KCNMA1: variants seen among roughly 807,000 people sequenced by gnomAD.
The protein encoded by KCNMA1 is Calcium-activated potassium channel subunit alpha-1.
Under a neutral mutation model 140.0 loss-of-function variants are expected in KCNMA1, and 29 were observed. The observed-to-expected ratio is 0.21, with a 90% CI of 0.15 to 0.28. The LOEUF is 0.28. KCNMA1 is among the 10% of genes least tolerant of loss of function. The pLI is 1.00. For missense variants in KCNMA1, 880 were observed against 1,602.2 expected, an observed-to-expected ratio of 0.55 and a Z score of 7.70; for synonymous variants, 612 against 611.9, an observed-to-expected ratio of 1.00 and a Z score of 0.00.
chr10:77,440,445 G>C (rs1481177812), intron 1 of KCNMA1, among the ~76,000 whole-genome samples: 1 of 152,196 alleles, frequency 6.6e-6, no homozygotes, highest in Non-Finnish European at 1.5e-5. Flanking sequence ...CTGCACAGGT[G>C]ACCACCACAA....
chr10:77,455,733 G>A (rs1416100343), intron 1 of KCNMA1, among the ~76,000 whole-genome samples: 1 of 152,150 alleles, frequency 6.6e-6, no homozygotes, highest in Non-Finnish European at 1.5e-5. Flanking sequence ...GCCCAGACCT[G>A]AGAAATGACC....
At chr10:77,217,980 T>A (rs2048344717) in intron 3 of KCNMA1, among the ~76,000 whole-genome samples, 1 of 152,176 alleles carries the variant, frequency 6.6e-6, no homozygotes, top group African/African-American at 2.4e-5. Flanking sequence ...GCCATTTCCA[T>A]AATACTTTAA....
At chr10:77,413,925 T>C (rs189852942) in intron 1 of KCNMA1, among the ~76,000 whole-genome samples, 1 of 152,262 alleles carries the variant, frequency 6.6e-6, no homozygotes, top group Non-Finnish European at 1.5e-5. Flanking sequence ...CCCTGTGAGT[T>C]TACTGGGTGT....
intron 2 of KCNMA1, among the ~76,000 whole-genome samples, chr10:77,312,076 C>T (rs945530583): frequency 1.4e-4 from 22 of 152,186 alleles, no homozygotes; most frequent in African/African-American, 3.9e-4. Flanking sequence ...ACTGCGCAAG[C>T]GAAGGAACTC....
chr10:77,462,091 C>T (rs567619507), intron 1 of KCNMA1, among the ~76,000 whole-genome samples: 7 of 151,784 alleles, frequency 4.6e-5, no homozygotes, highest in South Asian at 2.1e-4. Flanking sequence ...CACACGGACA[C>T]GGACACACAC....
At chr10:77,604,640 T>C (rs529953743) in intron 1 of KCNMA1, among the ~76,000 whole-genome samples, 242 of 152,096 alleles carry the variant, frequency 1.6e-3, no homozygotes, top group African/African-American at 4.9e-3. Context: ...TGAGCTATGA[T>C]TGCACCACTG....
intron 2 of KCNMA1, among the ~76,000 whole-genome samples, chr10:77,292,462 C>T (rs1289375919): frequency 6.6e-6 from 1 of 152,206 alleles, no homozygotes; most frequent in African/African-American, 2.4e-5. Context: ...GCGGCCCCCA[C>T]TATGTTTTCT....
intron 20 of KCNMA1, among the ~76,000 whole-genome samples, chr10:76,965,916 CA>C (rs2073747913): frequency 1.3e-5 from 2 of 152,168 alleles, no homozygotes; most frequent in Admixed American, 1.3e-4. Context: ...CTCAGCCTCC[CA>C]AACCAGAGGT....
chr10:77,335,131 TC>T (rs1426246219), intron 2 of KCNMA1, among the ~76,000 whole-genome samples: 1 of 152,158 alleles, frequency 6.6e-6, no homozygotes, highest in African/African-American at 2.4e-5. Context: ...TCCCTCCTTT[TC>T]CTGCTCTTTC....
At chr10:77,514,478 A>G (rs2049592796) in intron 1 of KCNMA1, among the ~76,000 whole-genome samples, 1 of 152,116 alleles carries the variant, frequency 6.6e-6, no homozygotes, top group Non-Finnish European at 1.5e-5. Context: ...AACAGCACAC[A>G]ACTCCACGCC....
At chr10:77,101,192 T>G (rs541837269) in intron 9 of KCNMA1, among the ~76,000 whole-genome samples, 70 of 152,140 alleles carry the variant, frequency 4.6e-4, no homozygotes, top group African/African-American at 1.7e-3. Flanking sequence ...ACCCCTCTCA[T>G]CAGGAAGGGA....
rs568626462 is a variant in KCNMA1, at chr10:77,576,993, T to G, written c.378+60272A>C. 2.7e-4 allele frequency among the ~76,000 whole-genome samples: 41 copies of G among 152,254 alleles called. 1 individual carries two copies. The South Asian group carries it at 6.4e-3, about 24-fold the overall frequency. On this transcript the variant is annotated intron_variant, in intron 1 of 27. Transcript: ENST00000286628. ...TGCTCATTGCTATGGCACCACAGTT[T>G]AACAGGAAAGAATGGAGAAGAATGG...
At chr10:77,377,342 A>T (rs1362958853) in intron 2 of KCNMA1, among the ~76,000 whole-genome samples, 3 of 152,066 alleles carry the variant, frequency 2.0e-5, no homozygotes, top group Non-Finnish European at 4.4e-5. Flanking sequence ...CCTCTGGGGG[A>T]TTCCTTTTAG....
At chr10:77,399,589 G>A (rs2096193402) in intron 2 of KCNMA1, among the ~76,000 whole-genome samples, 1 of 152,174 alleles carries the variant, frequency 6.6e-6, no homozygotes, top group Admixed American at 6.5e-5. Flanking sequence ...GGGTGAGAGA[G>A]GAGGCAAAGA....
chr10:77,183,612 G>T, intron 4 of KCNMA1, 80 bp from the exon 5 acceptor site: 1 of 1,035,192 alleles, frequency 9.7e-7, no homozygotes, highest in Non-Finnish European at 1.5e-6. Context: ...TTTTGTCAAA[G>T]GGTAAGTTTT....
intron 1 of KCNMA1, chr10:77,634,174 T>C (rs2154571578): frequency 1.0e-6 from 1 of 985,360 alleles, no homozygotes; most frequent in Non-Finnish European, 1.2e-6. Flanking sequence ...ATATAGTCTA[T>C]GACAGGATTG....
intron 2 of KCNMA1, chr10:77,309,503 A>T (rs542345523): frequency 6.6e-6 from 1 of 152,256 alleles, no homozygotes; most frequent in Non-Finnish European, 1.5e-5. Flanking sequence ...AAAGACACCA[A>T]TGCTTTTCAT....
intron 7 of KCNMA1, among the ~76,000 whole-genome samples, chr10:77,112,080 C>T (rs1460257005): frequency 2.0e-5 from 3 of 152,074 alleles, no homozygotes; most frequent in African/African-American, 2.4e-5. Context: ...TTGTGGCTTA[C>T]TATAGTTATT....
chr10:77,431,336 T>C (rs1023281491), intron 1 of KCNMA1, among the ~76,000 whole-genome samples: 2 of 152,232 alleles, frequency 1.3e-5, no homozygotes, highest in Admixed American at 6.5e-5. Flanking sequence ...TATGACATTC[T>C]ACAATTTTGC....
Sources: gnomAD v4.1 joint callset for allele counts (sites outside exome capture counted in the v4.1 genomes callset) on GRCh38, gnomAD v4.1.1 for gene constraint, MANE v1.5 for transcripts, NCBI Gene and HGNC (gene_info 2026-07-23, HGNC 2026-07-21) for gene names.